PCDHGA4: variants seen among roughly 807,000 people sequenced by gnomAD.
PCDHGA4 encodes protocadherin gamma subfamily A, 4, also known as protocadherin gamma-A4.
Under a neutral mutation model 54.6 loss-of-function variants are expected in PCDHGA4, and 38 were observed. That is an observed-to-expected ratio of 0.70 (90% CI 0.54 to 0.91). The LOEUF (loss-of-function observed/expected upper bound fraction) is 0.91. Among genes scored for constraint, PCDHGA4 ranks in the 40% least tolerant of loss-of-function variants. The pLI is 0.00. For missense variants in PCDHGA4, 1,298 were observed against 1,220.9 expected, an observed-to-expected ratio of 1.06 and a Z score of -0.94; for synonymous variants, 511 against 512.9, an observed-to-expected ratio of 1.00 and a Z score of 0.05.
intron 1 of PCDHGA4, chr5:141,370,352 C>T (rs1169280813): frequency 6.7e-7 from 1 of 1,499,528 alleles, no homozygotes; most frequent in Non-Finnish European, 8.9e-7. Flanking sequence ...ATTTAAAGAT[C>T]TCCTCTCCTC....
chr5:141,495,977 T>C (rs2099765025), intron 2 of PCDHGA4, among the ~76,000 whole-genome samples: 1 of 152,174 alleles, frequency 6.6e-6, no homozygotes, highest in Admixed American at 6.5e-5. Flanking sequence ...TCTGTTACTC[T>C]TTCTTTATCT....
intron 3 of PCDHGA4, among the ~76,000 whole-genome samples, chr5:141,508,752 C>G (rs2099871515): frequency 6.6e-6 from 1 of 152,028 alleles, no homozygotes. Flanking sequence ...CGCTCTTTCT[C>G]TGGCGCCTCT....
Position 141,491,699 on chromosome 5 carries a change from A to G in PCDHGA4, c.2515-3108A>G. The G allele has an allele frequency of 6.2e-7, 1 of 1,612,008 alleles. No individual in the cohort carries two copies. The highest frequency in any genetic ancestry group is 1.1e-5 in the South Asian group (1 of 90,926). ...TCTAATACGCTGCGGGAGCGGAGCC[A>G]GGTGAGGGGCTCGGCGCCGCCCCGG... On this transcript the variant is annotated intron_variant, in intron 1 of 3. Transcript: ENST00000571252. The surrounding 1 kb of genome is among the most constrained non-coding windows in gnomAD (Gnocchi z 6.9).
In PCDHGA4 at chr5:141,355,301, C is replaced by T. The variant is rs1426106263; in HGVS notation, c.194C>T (p.Ser65Leu). Residue 65 changes from serine (S) to leucine (L), a missense_variant, in exon 1 of 4, where the codon TCG becomes TTG. Physicochemically the swap from Ser to Leu is moderately radical, Grantham distance 145. Coordinates refer to ENST00000571252, the MANE Select transcript of PCDHGA4 (RefSeq NM_018917.4). ...ATCAGGGCCGAACAGATTCTCTACT[C>T]GGTGTTTGAGGAGCAGGAAGAAGGC... ...VEIRAEQILY[S>L]VFEEQEEGSV... is the part of the protein sequence containing the mutation. 1.9e-5 allele frequency: 31 copies of T among 1,613,786 alleles called. No homozygotes were observed. In the Admixed American group the frequency reaches 4.7e-4, roughly 24 times the overall value.
At chr5:141,422,330 CTCT>C in intron 1 of PCDHGA4, 1 of 1,548,166 alleles carries the variant, frequency 6.5e-7, no homozygotes, top group East Asian at 2.2e-5. Context: ...ACAGTGATTG[CTCT>C]TCTAAATGTG....
chr5:141,362,374 A>G, intron 1 of PCDHGA4: 1 of 1,614,036 alleles, frequency 6.2e-7, no homozygotes, highest in Non-Finnish European at 8.5e-7. Flanking sequence ...CAGTGAGGGT[A>G]CATTGCCCTA....
intron 2 of PCDHGA4, among the ~76,000 whole-genome samples, chr5:141,499,885 G>A (rs945162089): frequency 2.6e-5 from 4 of 151,850 alleles, no homozygotes; most frequent in Non-Finnish European, 4.4e-5. Flanking sequence ...ACAGGGTTTC[G>A]CCATGTTGGC....
In PCDHGA4 at chr5:141,477,670, A is replaced by G; in HGVS notation, c.2515-17137A>G. 1 of 1,614,198 alleles carries G rather than the reference A, an allele frequency of 6.2e-7. No individual in the cohort carries two copies. The highest frequency in any genetic ancestry group is 1.7e-5 in the Admixed American group (1 of 60,028). ...TCACAATAAATCGTGACAATGGCAT[A>G]GTGTCATCCTTAGTGCCCCTAGACT... On this transcript the variant is annotated intron_variant, in intron 1 of 3. Coordinates refer to ENST00000571252, the MANE Select transcript of PCDHGA4 (RefSeq NM_018917.4). This position sits in a 1 kb window ranked among gnomAD's most constrained non-coding sequence, Gnocchi z 4.9.
chr5:141,410,518 C>T (rs753664223), intron 1 of PCDHGA4: 1 of 1,613,820 alleles, frequency 6.2e-7, no homozygotes, highest in Non-Finnish European at 8.5e-7. Flanking sequence ...GCAGTGTGCC[C>T]CTACATTCCA....
intron 1 of PCDHGA4, chr5:141,422,008 C>T (rs767148055): frequency 1.2e-5 from 20 of 1,609,502 alleles, no homozygotes; most frequent in Admixed American, 5.1e-5. Context: ...CTCCGGAACT[C>T]GGGTGCTGAT....
chr5:141,415,269 G>T, intron 1 of PCDHGA4: 1 of 1,614,228 alleles, frequency 6.2e-7, no homozygotes, highest in African/African-American at 1.3e-5. Flanking sequence ...TGTACCTGGT[G>T]GTAGCGGTGG....
Position 141,395,191 on chromosome 5 carries a change from C to T in PCDHGA4, c.2514+37570C>T, listed in dbSNP as rs781685191. ...TGTGAGAAAAATGATTCTTTGTTAA[C>T]ATCCGTAGATTTTCATGAATATAAG... is the stretch of plus-strand genomic sequence containing the variant. On this transcript the variant is annotated intron_variant, in intron 1 of 3. Transcript: ENST00000571252. 8 of 1,614,074 alleles carry T rather than the reference C, an allele frequency of 5.0e-6. 1 individual carries two copies. The South Asian group carries it at 7.7e-5, about 16-fold the overall frequency.
At chr5:141,462,335 A>G in intron 1 of PCDHGA4, among the ~76,000 whole-genome samples, 1 of 152,220 alleles carries the variant, frequency 6.6e-6, no homozygotes, top group East Asian at 1.9e-4. Context: ...ATTTAATTGT[A>G]TTGTGATCCA....
intron 1 of PCDHGA4, chr5:141,400,182 G>C (rs754765633): frequency 3.7e-6 from 6 of 1,614,072 alleles, no homozygotes; most frequent in Non-Finnish European, 5.1e-6. Flanking sequence ...CTGAGCTGCA[G>C]TTTTACCTAG....
chr5:141,394,488 G>C lies in PCDHGA4; in HGVS notation c.2514+36867G>C, dbSNP rs753312224. 7.4e-6 allele frequency: 12 copies of C among 1,614,196 alleles called. No homozygotes were observed. In the South Asian group the frequency reaches 1.1e-4, roughly 15 times the overall value. ...GTTCGTGCTGGACCAGAATGACAAC[G>C]CGCCCGAGATCCTGTACCCCGCCCT... is the stretch of plus-strand genomic sequence containing the variant. On this transcript the variant is annotated intron_variant, in intron 1 of 3. Transcript: ENST00000571252.
intron 1 of PCDHGA4, among the ~76,000 whole-genome samples, chr5:141,466,614 G>A (rs75804312): frequency 1.4e-3 from 218 of 152,142 alleles, no homozygotes; most frequent in Middle Eastern, 6.8e-3. Context: ...GTAAACTGCC[G>A]TTTTCTTTGG....
intron 1 of PCDHGA4, chr5:141,361,230 G>T: frequency 6.2e-7 from 1 of 1,613,982 alleles, no homozygotes; most frequent in Non-Finnish European, 8.5e-7. Flanking sequence ...CAGGAACAGT[G>T]ATCGCCTTGA....
chr5:141,409,624 G>C lies in PCDHGA4; in HGVS notation c.2514+52003G>C, dbSNP rs747166507. 11 of 1,613,728 alleles carry C rather than the reference G, an allele frequency of 6.8e-6. No homozygotes were observed. The South Asian group carries it at 8.8e-5, about 13-fold the overall frequency. On this transcript the variant is annotated intron_variant, in intron 1 of 3. Transcript: ENST00000571252. The stretch of plus-strand genomic sequence containing the variant: ...CGCCAGGAGCCTCCATTGCGCAAGT[G>C]AGCGCCTCTGACCCGGATTTGGGGC...
intron 1 of PCDHGA4, chr5:141,423,661 G>A: frequency 1.3e-6 from 2 of 1,555,760 alleles, no homozygotes; most frequent in Non-Finnish European, 1.7e-6. Flanking sequence ...AAGTAATCAG[G>A]TGAGATTTAT....
Sources: gnomAD v4.1 joint callset for allele counts (sites outside exome capture counted in the v4.1 genomes callset) on GRCh38, gnomAD v4.1.1 for gene constraint, Gnocchi (gnomAD v3.1) non-coding constraint, MANE v1.5 for transcripts, NCBI Gene and HGNC (gene_info 2026-07-23, HGNC 2026-07-21) for gene names.